Variants in ENOX2 observed in about 807,000 individuals in gnomAD.
The protein encoded by ENOX2 is ecto-NOX disulfide-thiol exchanger 2, also known as APK1 antigen.
Under a neutral mutation model 45.0 loss-of-function variants are expected in ENOX2, and 36 were observed. The ratio of observed to expected loss-of-function variants is 0.80; its 90% CI spans 0.61 to 1.06. The LOEUF (loss-of-function observed/expected upper bound fraction) is 1.06. ENOX2 is among the 50% of genes least tolerant of loss of function. ENOX2 has a pLI of 0.00. For missense variants in ENOX2, 423 were observed against 462.5 expected, an observed-to-expected ratio of 0.91 and a Z score of 0.78; for synonymous variants, 174 against 152.3, an observed-to-expected ratio of 1.14 and a Z score of -1.05.
chrX:130,820,659 C>T lies in ENOX2; in HGVS notation c.-182-36969G>A, dbSNP rs189503922. Among the ~76,000 whole-genome samples, 10 of 112,546 alleles carry T rather than the reference C, an allele frequency of 8.9e-5. No homozygotes were observed. In the East Asian group the frequency reaches 2.2e-3, roughly 25 times the overall value. The stretch of plus-strand genomic sequence containing the variant: ...GGAAAGAAATCTTGTCATTTGCCAA[C>T]GACATGGATGAAAGTGGAGAACATT... On this transcript the variant is annotated intron_variant, in intron 2 of 14. Transcript: ENST00000394363.
At chrX:130,736,239 C>T (rs2038857882) in intron 3 of ENOX2, among the ~76,000 whole-genome samples, 1 of 109,909 alleles carries the variant, frequency 9.1e-6, no homozygotes, top group Non-Finnish European at 1.9e-5. Flanking sequence ...TGACGGGCGC[C>T]TGTAATCCCA....
intron 2 of ENOX2, among the ~76,000 whole-genome samples, chrX:130,822,122 G>A (rs963760140): frequency 1.9e-5 from 2 of 107,661 alleles, no homozygotes; most frequent in Non-Finnish European, 3.9e-5. Flanking sequence ...CAGAGGAGAG[G>A]AAGTGAAACG....
At chrX:130,703,643 C>T (rs192838407) in intron 3 of ENOX2, among the ~76,000 whole-genome samples, 1 of 111,181 alleles carries the variant, frequency 9.0e-6, no homozygotes, top group East Asian at 2.8e-4. Context: ...ATCCAAACTA[C>T]TTATGCATGT....
At chrX:130,799,627 T>C (rs1391991433) in intron 2 of ENOX2, among the ~76,000 whole-genome samples, 1 of 112,011 alleles carries the variant, frequency 8.9e-6, no homozygotes, top group East Asian at 2.8e-4. Context: ...AGTAATTCTT[T>C]GTCAGTTTCC....
chrX:130,902,529 A>T (rs1197590548), intron 1 of ENOX2, among the ~76,000 whole-genome samples: 1 of 110,098 alleles, frequency 9.1e-6, no homozygotes, highest in Non-Finnish European at 1.9e-5. Context: ...GCAAAAAGAG[A>T]AAGTTTGAAA....
intron 7 of ENOX2, among the ~76,000 whole-genome samples, chrX:130,669,694 G>A (rs2036927398): frequency 8.9e-6 from 1 of 111,925 alleles, no homozygotes; most frequent in South Asian, 3.8e-4. Context: ...GGAAAGTGAG[G>A]AAAACTTGTT....
At chrX:130,626,152 G>A (rs1460748394) in intron 14 of ENOX2, among the ~76,000 whole-genome samples, 1 of 111,328 alleles carries the variant, frequency 9.0e-6, no homozygotes, top group East Asian at 2.8e-4. Flanking sequence ...AGGGAGCCCC[G>A]ATTCTGTTGG....
intron 3 of ENOX2, among the ~76,000 whole-genome samples, chrX:130,724,008 A>ACTC (rs1185565555): frequency 2.7e-5 from 3 of 111,516 alleles, no homozygotes; most frequent in Non-Finnish European, 3.8e-5. Flanking sequence ...AGCCAACATA[A>ACTC]CTCTATCAGT....
At chrX:130,847,802 T>C (rs1482731748) in intron 2 of ENOX2, among the ~76,000 whole-genome samples, 2 of 112,370 alleles carry the variant, frequency 1.8e-5, no homozygotes, top group African/African-American at 3.2e-5. Context: ...GTGTTAAAGA[T>C]AAAAGTCACT....
At chrX:130,899,269 T>C (rs2079107081) in intron 2 of ENOX2, among the ~76,000 whole-genome samples, 1 of 112,412 alleles carries the variant, frequency 8.9e-6, no homozygotes, top group South Asian at 3.7e-4. Context: ...AGTCTTTTCA[T>C]AGCATTTGGC....
chrX:130,698,732 T>C (rs1305209881), intron 4 of ENOX2, among the ~76,000 whole-genome samples: 2 of 111,677 alleles, frequency 1.8e-5, no homozygotes, highest in Non-Finnish European at 3.8e-5. Flanking sequence ...TCCTTCTTTC[T>C]TTCTGTTCCC....
At chrX:130,807,284 C>T (rs754535749) in intron 2 of ENOX2, among the ~76,000 whole-genome samples, 35 of 112,140 alleles carry the variant, frequency 3.1e-4, no homozygotes, top group East Asian at 2.2e-3. Context: ...AAATGATGAA[C>T]TGATTATCAC....
chrX:130,885,280 G>T (rs1375890619), intron 2 of ENOX2, among the ~76,000 whole-genome samples: 1 of 111,005 alleles, frequency 9.0e-6, no homozygotes, highest in Non-Finnish European at 1.9e-5. Flanking sequence ...TATCAGGGAG[G>T]AAAAAGCACA....
intron 2 of ENOX2, among the ~76,000 whole-genome samples, chrX:130,862,631 T>C (rs2078427080): frequency 9.0e-6 from 1 of 110,918 alleles, no homozygotes; most frequent in Admixed American, 9.7e-5. Flanking sequence ...CTCCCCCTTT[T>C]AGAACCTAAG....
chrX:130,822,743 G>A (rs978739271), intron 2 of ENOX2, among the ~76,000 whole-genome samples: 4 of 110,285 alleles, frequency 3.6e-5, no homozygotes, highest in African/African-American at 1.3e-4. Context: ...AAACCTGCAC[G>A]TTGTGCACAT....
At chrX:130,836,017 G>A (rs897471617) in intron 2 of ENOX2, among the ~76,000 whole-genome samples, 4 of 112,165 alleles carry the variant, frequency 3.6e-5, no homozygotes, top group Non-Finnish European at 5.6e-5. Context: ...ATCAGCCAAC[G>A]AAAGACTTCA....
chrX:130,810,475 T>C (rs1033411709), intron 2 of ENOX2, among the ~76,000 whole-genome samples: 9 of 111,654 alleles, frequency 8.1e-5, no homozygotes, highest in Non-Finnish European at 1.5e-4. Flanking sequence ...CCAACACTCC[T>C]GGATATAGCC....
chrX:130,669,097 T>C (rs1308088301), intron 7 of ENOX2, among the ~76,000 whole-genome samples: 2 of 112,198 alleles, frequency 1.8e-5, no homozygotes, highest in Non-Finnish European at 3.8e-5. Flanking sequence ...GAGACCTATT[T>C]GGAAAGTAGG....
At chrX:130,625,563 A>G in intron 14 of ENOX2, 118 bp from the exon 15 acceptor site, 5 of 716,591 alleles carry the variant, frequency 7.0e-6, no homozygotes, top group Non-Finnish European at 9.9e-6. Flanking sequence ...GGGGCGTTTA[A>G]CCTCCTCCTG....
Sources: allele counts gnomAD v4.1 joint callset (sites outside exome capture counted in the v4.1 genomes callset), GRCh38; gene constraint gnomAD v4.1.1; transcripts MANE v1.5; gene names NCBI Gene and HGNC (gene_info 2026-07-23, HGNC 2026-07-21).